The following TRMO variants were observed in gnomAD, a reference collection of about 807,000 sequenced individuals.
TRMO encodes tRNA (adenine(37)-N6)-methyltransferase.
Under a neutral mutation model 37.2 loss-of-function variants are expected in TRMO, and 30 were observed. The ratio of observed to expected loss-of-function variants is 0.81; its 90% CI spans 0.60 to 1.09. TRMO has a LOEUF of 1.09. Among genes scored for constraint, TRMO ranks in the 50% least tolerant of loss-of-function variants. TRMO has a pLI of 0.00. For synonymous variants in TRMO, 239 were observed against 199.4 expected, an observed-to-expected ratio of 1.20 and a Z score of -1.67; for missense variants, 552 against 549.5, an observed-to-expected ratio of 1.00 and a Z score of -0.05.
chr9:97,919,848 T>C (rs1014730211), intron 1 of TRMO, among the ~76,000 whole-genome samples: 3 of 152,204 alleles, frequency 2.0e-5, no homozygotes, highest in Admixed American at 6.5e-5. Flanking sequence ...AAGACAACAC[T>C]GGATTAGCAA....
At chr9:97,899,762 G>T (rs1331365511), downstream of TRMO, among the ~76,000 whole-genome samples, 2 of 152,062 alleles carry the variant, frequency 1.3e-5, no homozygotes, top group African/African-American at 2.4e-5. Context: ...GGGCATGGTG[G>T]CGTGCGCCTG....
intron 4 of TRMO, among the ~76,000 whole-genome samples, chr9:97,908,313 G>C (rs1008412175): frequency 2.0e-5 from 3 of 151,850 alleles, no homozygotes; most frequent in African/African-American, 7.3e-5. Context: ...TCGGGAGGCG[G>C]AGGCAGGTGA....
chr9:97,899,582 T>C (rs148568267), downstream of TRMO, among the ~76,000 whole-genome samples: 678 of 151,850 alleles, frequency 4.5e-3, 5 homozygotes, highest in African/African-American at 0.016. Flanking sequence ...CCTAAAAAAA[T>C]ATTTCTATAA....
At chr9:97,903,966 C>T (rs1180943830), downstream of TRMO, among the ~76,000 whole-genome samples, 1 of 152,150 alleles carries the variant, frequency 6.6e-6, no homozygotes, top group Non-Finnish European at 1.5e-5. Flanking sequence ...CCTGTAATCC[C>T]AGCTACTCAG....
chr9:97,913,028 G>T, intron 3 of TRMO: 1 of 762,608 alleles, frequency 1.3e-6, no homozygotes, highest in Non-Finnish European at 2.0e-6. Flanking sequence ...ATATGTGCAT[G>T]TACAATGAGT....
downstream of TRMO, among the ~76,000 whole-genome samples, chr9:97,903,152 C>T (rs1825720469): frequency 6.6e-6 from 1 of 151,948 alleles, no homozygotes; most frequent in South Asian, 2.1e-4. Context: ...CCTGTAGACC[C>T]AGCTACTCAG....
chr9:97,920,279 T>C (rs1234981735), intron 1 of TRMO, among the ~76,000 whole-genome samples: 1 of 152,116 alleles, frequency 6.6e-6, no homozygotes. Context: ...TTTGCAGGGA[T>C]AGAGATAAAT....
chr9:97,900,296 G>A (rs894270690), downstream of TRMO, among the ~76,000 whole-genome samples: 17 of 152,246 alleles, frequency 1.1e-4, no homozygotes, highest in African/African-American at 4.1e-4. Context: ...CAGAGCTAGA[G>A]GCAGGGTGCA....
At chr9:97,901,975 C>T (rs1266275494), downstream of TRMO, among the ~76,000 whole-genome samples, 1 of 152,130 alleles carries the variant, frequency 6.6e-6, no homozygotes, top group Non-Finnish European at 1.5e-5. Flanking sequence ...TCAGAAGAGG[C>T]TTGAGATCAT....
intron 1 of TRMO, among the ~76,000 whole-genome samples, chr9:97,919,753 A>G (rs1035359035): frequency 2.9e-4 from 44 of 152,358 alleles, no homozygotes; most frequent in Admixed American, 2.5e-3. Flanking sequence ...TATGATAAAT[A>G]TAAGTGGCTG....
At chr9:97,898,229 G>A in the TRMO span, among the ~76,000 whole-genome samples, 5 of 152,234 alleles carry the variant, frequency 3.3e-5, no homozygotes, top group African/African-American at 1.2e-4. Flanking sequence ...TGAACCTTCT[G>A]TGAATTGCAT....
At chr9:97,918,128 C>T (rs1392017282) in intron 1 of TRMO, among the ~76,000 whole-genome samples, 1 of 151,482 alleles carries the variant, frequency 6.6e-6, no homozygotes, top group African/African-American at 2.4e-5. Flanking sequence ...CGCCTGTAAT[C>T]CCAACACTTT....
downstream of TRMO, chr9:97,900,715 TA>T: frequency 2.1e-6 from 2 of 950,412 alleles, no homozygotes; most frequent in Non-Finnish European, 2.5e-6. Context: ...AAGGACATGA[TA>T]AAAGTTCAGT....
chr9:97,906,904 T>C (rs1411872187), intron 4 of TRMO, among the ~76,000 whole-genome samples: 1 of 151,110 alleles, frequency 6.6e-6, no homozygotes, highest in Non-Finnish European at 1.5e-5. Flanking sequence ...CTTTCCATAG[T>C]AGTTTGCATT....
intron 4 of TRMO, among the ~76,000 whole-genome samples, chr9:97,908,173 G>T (rs1825939403): frequency 6.6e-6 from 1 of 152,120 alleles, no homozygotes; most frequent in African/African-American, 2.4e-5. Context: ...GACACTTTGG[G>T]AGGCCAAGGC....
downstream of TRMO, among the ~76,000 whole-genome samples, chr9:97,903,037 A>G (rs112166963): frequency 0.039 from 5,957 of 152,096 alleles, 411 homozygotes; most frequent in African/African-American, 0.14. Flanking sequence ...GAGGCTGAGG[A>G]GGGAGGGTTG....
At chr9:97,903,985 G>A (rs970549509), downstream of TRMO, among the ~76,000 whole-genome samples, 1 of 152,158 alleles carries the variant, frequency 6.6e-6, no homozygotes, top group Admixed American at 6.5e-5. Context: ...AGGAGGCTGA[G>A]GCAGGAGAAT....
In TRMO at chr9:97,910,112, G is replaced by A. The variant is rs755470419; in HGVS notation, c.914C>T (p.Thr305Ile). 4 of 1,614,164 alleles carry A rather than the reference G, an allele frequency of 2.5e-6. No homozygotes were observed. The highest frequency in any genetic ancestry group is 1.7e-5 in the Admixed American group (1 of 60,034). ...AGGGCAGTGAGGGGCCATGGGCTGTGTCTCTGCCCTGCTTCCTTGCAAGAC... is the reference window on the plus strand; with the variant it reads ...AGGGCAGTGAGGGGCCATGGGCTGTATCTCTGCCCTGCTTCCTTGCAAGAC... The part of the protein sequence containing the change: ...AAVLQGSRAE[T>I]QPMAPHCPAG... The change falls in exon 4 of 5, where the codon ACA (threonine) becomes ATA (isoleucine). Residue 305 changes from threonine (T) to isoleucine (I), a missense_variant. Thr to Ile is a moderately conservative substitution (Grantham distance 89). Coordinates refer to ENST00000375119, the MANE Select transcript of TRMO (RefSeq NM_016481.5).
chr9:97,914,637 TATTA>T (rs1826270743), intron 2 of TRMO, among the ~76,000 whole-genome samples: 1 of 152,132 alleles, frequency 6.6e-6, no homozygotes. Context: ...AGAGTGTGTA[TATTA>T]CAAAATATAC....
Sources: allele counts gnomAD v4.1 joint callset (sites outside exome capture counted in the v4.1 genomes callset), GRCh38; gene constraint gnomAD v4.1.1; transcripts MANE v1.5; gene names NCBI Gene and HGNC (gene_info 2026-07-23, HGNC 2026-07-21).